CACNA1H: variants seen among roughly 807,000 people sequenced by gnomAD.
CACNA1H encodes calcium voltage-gated channel subunit alpha1 H.
Under a neutral mutation model 192.5 loss-of-function variants are expected in CACNA1H, and 149 were observed. That is an observed-to-expected ratio of 0.77 (90% confidence interval 0.68 to 0.89). The LOEUF is 0.89. CACNA1H is among the 40% of genes least tolerant of loss of function. CACNA1H has a pLI of 0.00. For missense variants in CACNA1H, 4,257 were observed against 3,423.5 expected, an observed-to-expected ratio of 1.24 and a Z score of -6.08; for synonymous variants, 2,202 against 1,475.2, an observed-to-expected ratio of 1.49 and a Z score of -11.29.
intron 2 of CACNA1H, among the ~76,000 whole-genome samples, chr16:1,176,157 A>T (rs1964866186): frequency 6.6e-6 from 1 of 152,246 alleles, no homozygotes; most frequent in African/African-American, 2.4e-5. Context: ...ATTTCAGCCT[A>T]ACCCATTAAA....
intron 2 of CACNA1H, among the ~76,000 whole-genome samples, chr16:1,168,663 C>T (rs1002729727): frequency 6.6e-6 from 1 of 152,050 alleles, no homozygotes; most frequent in Non-Finnish European, 1.5e-5. Context: ...CCGAGTTGGC[C>T]CTGTGTCAGG....
chr16:1,178,689 G>A (rs991604880), intron 2 of CACNA1H, among the ~76,000 whole-genome samples: 1 of 152,042 alleles, frequency 6.6e-6, no homozygotes, highest in Non-Finnish European at 1.5e-5. Flanking sequence ...ACTGTCCCTC[G>A]GGTCCCTCCC....
chr16:1,217,646 C>T (rs1402293341), intron 31 of CACNA1H, among the ~76,000 whole-genome samples: 1 of 152,200 alleles, frequency 6.6e-6, no homozygotes, highest in East Asian at 1.9e-4. Flanking sequence ...CACGCGCAGT[C>T]ACAGACACAC....
In CACNA1H at chr16:1,204,033, C is replaced by A. The variant is rs776134781; in HGVS notation, c.2026C>A (p.Leu676Met). ...AGGACTGGGCCAGGCCCCTGGCCAT[C>A]TGTCGGGCCTCAGTGTGCCCTGCCC... Reference protein sequence around the residue: ...EHGLGQAPGHLSGLSVPCPLP... With the variant: ...EHGLGQAPGHMSGLSVPCPLP... Residue 676 changes from leucine to methionine, a missense_variant, in exon 10 of 35, where the codon CTG (leucine) becomes ATG (methionine). Transcript: ENST00000348261. 1.4e-5 allele frequency: 22 copies of A among 1,565,608 alleles called. No individual in the cohort carries two copies. Among genetic ancestry groups the A allele is most frequent in the Non-Finnish European group, 1.9e-5 (22 of 1,155,948 alleles).
chr16:1,207,152 G>A (rs1246887171), intron 13 of CACNA1H, 34 bp downstream of exon 13: 25 of 1,553,588 alleles, frequency 1.6e-5, no homozygotes, highest in Non-Finnish European at 2.1e-5. Flanking sequence ...AGTGTTGGGT[G>A]CTGAGTGTGG....
chr16:1,206,829 C>G (rs950204287), intron 12 of CACNA1H, 172 bp from the exon 13 acceptor site: 2 of 595,032 alleles, frequency 3.4e-6, no homozygotes, highest in South Asian at 2.0e-5. Flanking sequence ...GCAGGAAGTC[C>G]CTTTTAAGCT....
intron 2 of CACNA1H, among the ~76,000 whole-genome samples, chr16:1,185,419 G>C (rs949912873): frequency 1.3e-5 from 2 of 151,884 alleles, no homozygotes; most frequent in African/African-American, 4.8e-5. Flanking sequence ...ACGTGCCCGG[G>C]TGGCAGCTGG....
intron 2 of CACNA1H, among the ~76,000 whole-genome samples, chr16:1,175,118 C>T (rs551784870): frequency 1.3e-4 from 20 of 152,200 alleles, no homozygotes; most frequent in Admixed American, 3.3e-4. Context: ...ACTGCGCGCG[C>T]AGGCCAACGC....
At chr16:1,215,130 G>A in intron 28 of CACNA1H, 49 bp downstream of exon 28, 1 of 1,583,194 alleles carries the variant, frequency 6.3e-7, no homozygotes. Context: ...TCAGGGCTCT[G>A]GGGGCTGGGG....
In CACNA1H at chr16:1,180,298, T is replaced by G. The variant is rs1036030269; in HGVS notation, c.300-14674T>G. Among the ~76,000 whole-genome samples, 1 of 152,122 alleles carries G rather than the reference T, an allele frequency of 6.6e-6. No homozygotes were observed. Among genetic ancestry groups the G allele is most frequent in the African/African-American group, 2.4e-5 (1 of 41,424 alleles). ...ACCAGGCGTCGCCCACAGAGCATAA[T>G]GTGAGGCGAGAGGGACTCGGGCTGC... is the stretch of plus-strand genomic sequence containing the variant. On this transcript the variant is annotated intron_variant, in intron 2 of 34. Transcript: ENST00000348261. The surrounding 1 kb of genome is among the most constrained non-coding windows in gnomAD (Gnocchi z 4.4).
In CACNA1H at chr16:1,200,702, C is replaced by G; in HGVS notation, c.1120-14C>G. On this transcript the variant is annotated splice_polypyrimidine_tract_variant and intron_variant, in intron 7 of 34. Transcript: ENST00000348261. The stretch of plus-strand genomic sequence containing the variant: ...GGGGTCGTGCGGGCCCAAGTCAAGC[C>G]ACTGCCCCCCCAGGTGATCACGCTG... 6.4e-7 allele frequency: 1 copy of G among 1,565,614 alleles called. No homozygotes were observed. Among genetic ancestry groups the G allele is most frequent in the Non-Finnish European group, 8.7e-7 (1 of 1,155,116 alleles).
At chr16:1,188,211 G>A (rs1227607866) in intron 2 of CACNA1H, among the ~76,000 whole-genome samples, 17 of 152,298 alleles carry the variant, frequency 1.1e-4, no homozygotes, top group African/African-American at 3.6e-4. Context: ...GAGCCAGCGG[G>A]TCTGGGCGGT....
chr16:1,191,181 A>G (rs1966582346), intron 2 of CACNA1H, among the ~76,000 whole-genome samples: 1 of 88,544 alleles, frequency 1.1e-5, no homozygotes, highest in Non-Finnish European at 2.0e-5. Flanking sequence ...CCTCAGGCAC[A>G]CTCGGGGTCT....
At chr16:1,170,424 G>A (rs78464638) in intron 2 of CACNA1H, among the ~76,000 whole-genome samples, 2,897 of 152,276 alleles carry the variant, frequency 0.019, 95 homozygotes, top group African/African-American at 0.066. Context: ...ATGGTTTCCC[G>A]TAAAAGAGAC....
chr16:1,187,186 T>A (rs1966156615), intron 2 of CACNA1H, among the ~76,000 whole-genome samples: 1 of 152,210 alleles, frequency 6.6e-6, no homozygotes, highest in Admixed American at 6.5e-5. Context: ...TGAGCGTTCC[T>A]GAGAATGAGG....
At position 1,209,458 on chromosome 16, in the gene CACNA1H, C is replaced by A. The variant is rs369304559; in HGVS notation, c.3744+46C>A. ...CCACCGCCGACTCGCCTTCGTCTGT[C>A]TGGGGCAGGTTCCCTCAAGTGGGGT... On this transcript the variant is annotated intron_variant, in intron 17 of 34. Transcript: ENST00000348261. 46 of 1,582,884 alleles carry A rather than the reference C, an allele frequency of 2.9e-5. 1 individual carries two copies. The highest frequency in any genetic ancestry group is 2.5e-4 in the East Asian group (11 of 44,048).
intron 2 of CACNA1H, among the ~76,000 whole-genome samples, chr16:1,162,665 G>C (rs1320618688): frequency 6.6e-6 from 1 of 151,692 alleles, no homozygotes; most frequent in Non-Finnish European, 1.5e-5. Flanking sequence ...ATCCTAGGAG[G>C]AGCCGAGCGT....
chr16:1,214,282 G>A (rs1204919434), intron 27 of CACNA1H, among the ~76,000 whole-genome samples: 2 of 152,226 alleles, frequency 1.3e-5, no homozygotes, highest in African/African-American at 4.8e-5. Flanking sequence ...GGGTCCCCCT[G>A]CATCCTCTCC....
intron 22 of CACNA1H, 93 bp from the exon 23 acceptor site, chr16:1,211,388 A>AG (rs1195940307): frequency 1.5e-5 from 24 of 1,605,734 alleles, no homozygotes; most frequent in Non-Finnish European, 1.4e-5. Flanking sequence ...CGGGACGGGG[A>AG]GGGACAGCTC....
Sources: allele counts gnomAD v4.1 joint callset (sites outside exome capture counted in the v4.1 genomes callset), GRCh38; gene constraint gnomAD v4.1.1; non-coding constraint Gnocchi (gnomAD v3.1); transcripts MANE v1.5; gene names NCBI Gene and HGNC (gene_info 2026-07-23, HGNC 2026-07-21).